The following CDH4 variants were observed in gnomAD, a reference collection of about 807,000 sequenced individuals.
The protein encoded by CDH4 is cadherin 4.
CDH4 carries 33 observed loss-of-function variants against 86.0 expected under a neutral mutation model. That is an observed-to-expected ratio of 0.38 (90% CI 0.29 to 0.51). The LOEUF is 0.51. Among genes scored for constraint, CDH4 ranks in the 20% least tolerant of loss-of-function variants. The probability of loss-of-function intolerance (pLI) is 0.86; values close to 1 mark genes in which losing one functional copy is unlikely to be tolerated. For synonymous variants in CDH4, 555 were observed against 549.4 expected (o/e 1.01, Z -0.14); for missense variants, 1,114 against 1,307.4 (o/e 0.85, Z 2.28).
chr20:61,606,727 C>T (rs1383784509), intron 2 of CDH4, among the ~76,000 whole-genome samples: 3 of 152,244 alleles, frequency 2.0e-5, no homozygotes, highest in Non-Finnish European at 4.4e-5. Flanking sequence ...CGTGCACACA[C>T]CTGCTCAGGG....
At chr20:61,804,516 G>A (rs897721556) in intron 4 of CDH4, among the ~76,000 whole-genome samples, 3 of 152,194 alleles carry the variant, frequency 2.0e-5, no homozygotes, top group Non-Finnish European at 2.9e-5. Context: ...GAGCCACACC[G>A]AAAGCACTCA....
At chr20:61,770,519 C>T (rs995244113) in intron 3 of CDH4, among the ~76,000 whole-genome samples, 6 of 152,360 alleles carry the variant, frequency 3.9e-5, no homozygotes, top group South Asian at 4.1e-4. Context: ...GACGCATGGA[C>T]GCCGCATATA....
intron 3 of CDH4, among the ~76,000 whole-genome samples, chr20:61,759,488 A>T (rs11908634): frequency 0.33 from 50,071 of 152,030 alleles, 8,556 homozygotes; most frequent in African/African-American, 0.4. Context: ...AGGGCTCTGG[A>T]TGGAGCGTTT....
intron 2 of CDH4, among the ~76,000 whole-genome samples, chr20:61,580,477 C>A (rs186598878): frequency 3.3e-5 from 5 of 151,494 alleles, no homozygotes; most frequent in African/African-American, 2.4e-5. Flanking sequence ...TAAAATAAAA[C>A]CTCTACTTTA....
At chr20:61,886,917 C>T (rs1051237340) in intron 7 of CDH4, among the ~76,000 whole-genome samples, 2 of 152,140 alleles carry the variant, frequency 1.3e-5, no homozygotes, top group Non-Finnish European at 2.9e-5. Context: ...CCCTTGCCCG[C>T]CTCACAGGAA....
intron 2 of CDH4, among the ~76,000 whole-genome samples, chr20:61,735,092 G>A (rs780536525): frequency 1.2e-4 from 19 of 152,246 alleles, no homozygotes; most frequent in Middle Eastern, 3.4e-3. Context: ...TCGTGGAGGA[G>A]GGACCCTGCC....
chr20:61,455,571 C>T (rs761044378), intron 2 of CDH4, among the ~76,000 whole-genome samples: 3 of 152,204 alleles, frequency 2.0e-5, no homozygotes, highest in Non-Finnish European at 2.9e-5. Context: ...GATCTGGACT[C>T]GGGTAATCAT....
intron 2 of CDH4, among the ~76,000 whole-genome samples, chr20:61,644,484 G>C (rs938538435): frequency 6.6e-6 from 1 of 152,172 alleles, no homozygotes. Flanking sequence ...CCTGGTCCCA[G>C]ATACTTGCAA....
chr20:61,795,095 AATGATGGTGATG>A (rs1979458839), intron 4 of CDH4, among the ~76,000 whole-genome samples: 13 of 103,800 alleles, frequency 1.3e-4, no homozygotes, highest in Admixed American at 2.1e-4. Flanking sequence ...TGTTGATGGT[AATGATGGTGATG>A]ATGGTGGTGA....
At chr20:61,835,158 C>T (rs1981807420) in intron 4 of CDH4, among the ~76,000 whole-genome samples, 1 of 151,072 alleles carries the variant, frequency 6.6e-6, no homozygotes, top group South Asian at 2.1e-4. Context: ...TCAAGTGATC[C>T]TCCCGCCTCA....
At chr20:61,533,844 A>G (rs1157363919) in intron 2 of CDH4, among the ~76,000 whole-genome samples, 1 of 152,046 alleles carries the variant, frequency 6.6e-6, no homozygotes, top group African/African-American at 2.4e-5. Flanking sequence ...TGTGTTTAAA[A>G]CCTCAATATG....
In CDH4 at chr20:61,902,612, T is replaced by C. The variant is rs1453248835; in HGVS notation, c.1188+7565T>C. ...CCGTGGCAACTCCGAAACTCCGCCA[T>C]TGTAGGACAAAAACAACCACAGACA... On this transcript the variant is annotated intron_variant, in intron 8 of 15. Coordinates refer to ENST00000614565, the MANE Select transcript of CDH4 (RefSeq NM_001794.5). This position sits in a 1 kb window ranked among gnomAD's most constrained non-coding sequence, Gnocchi z 4.6. Among the ~76,000 whole-genome samples the C allele has an allele frequency of 4.6e-5, 7 of 152,194 alleles. No individual in the cohort carries two copies. Among genetic ancestry groups the C allele is most frequent in the Non-Finnish European group, 1.0e-4 (7 of 68,032 alleles).
At chr20:61,765,373 C>T (rs962568605) in intron 3 of CDH4, among the ~76,000 whole-genome samples, 10 of 152,184 alleles carry the variant, frequency 6.6e-5, no homozygotes, top group Non-Finnish European at 1.3e-4. Context: ...TCTGTTCGAC[C>T]GATGGACCAC....
chr20:61,287,521 C>T (rs937243887), intron 2 of CDH4, among the ~76,000 whole-genome samples: 1 of 152,128 alleles, frequency 6.6e-6, no homozygotes, highest in Non-Finnish European at 1.5e-5. Context: ...AGTGGCTGAG[C>T]CCTATTCATT....
intron 4 of CDH4, among the ~76,000 whole-genome samples, chr20:61,832,776 A>G (rs370544729): frequency 6.6e-6 from 1 of 152,170 alleles, no homozygotes; most frequent in East Asian, 1.9e-4. Context: ...GTGGGGACAC[A>G]AAGTCTAACC....
intron 2 of CDH4, among the ~76,000 whole-genome samples, chr20:61,334,995 T>C (rs957936732): frequency 6.6e-6 from 1 of 152,220 alleles, no homozygotes; most frequent in Non-Finnish European, 1.5e-5. Context: ...TAAGAGGCAT[T>C]CTGCCTCTTA....
chr20:61,636,910 C>A (rs1011408321), intron 2 of CDH4, among the ~76,000 whole-genome samples: 7 of 152,264 alleles, frequency 4.6e-5, no homozygotes, highest in Non-Finnish European at 8.8e-5. Context: ...GCACCAGGGC[C>A]GGGCCACTCA....
At chr20:61,490,422 C>T (rs1022119015) in intron 2 of CDH4, among the ~76,000 whole-genome samples, 3 of 152,136 alleles carry the variant, frequency 2.0e-5, no homozygotes, top group Admixed American at 6.5e-5. Context: ...TCATGGTGGC[C>T]GGGCGCAGTG....
intron 2 of CDH4, among the ~76,000 whole-genome samples, chr20:61,649,655 G>A (rs1229747299): frequency 2.6e-5 from 4 of 152,172 alleles, no homozygotes; most frequent in Non-Finnish European, 4.4e-5. Context: ...GTGGCTGAAC[G>A]GGGGCTCGGT....
Sources: gnomAD v4.1 joint callset for allele counts (sites outside exome capture counted in the v4.1 genomes callset) on GRCh38, gnomAD v4.1.1 for gene constraint, Gnocchi (gnomAD v3.1) non-coding constraint, MANE v1.5 for transcripts, NCBI Gene and HGNC (gene_info 2026-07-23, HGNC 2026-07-21) for gene names.